The following OLFM3 variants were observed in gnomAD, a reference collection of about 807,000 sequenced individuals.
OLFM3 encodes noelin-3.
Under a neutral mutation model 48.6 loss-of-function variants are expected in OLFM3, and 20 were observed. The observed-to-expected ratio is 0.41, with a 90% CI of 0.29 to 0.60. The LOEUF is 0.60. Among genes scored for constraint, OLFM3 ranks in the 20% least tolerant of loss-of-function variants. The pLI is 0.28. For missense variants in OLFM3, 437 were observed against 544.3 expected, an observed-to-expected ratio of 0.80 and a Z score of 1.96; for synonymous variants, 222 against 198.1, an observed-to-expected ratio of 1.12 and a Z score of -1.01.
chr1:101,812,669 T>C (rs1654125886), intron 4 of OLFM3: 1 of 985,578 alleles, frequency 1.0e-6, no homozygotes, highest in African/African-American at 1.7e-5. Flanking sequence ...CAGCCTTGCA[T>C]CTCTATGGCA....
At chr1:101,833,041 C>T (rs1192810190) in intron 2 of OLFM3, among the ~76,000 whole-genome samples, 1 of 152,120 alleles carries the variant, frequency 6.6e-6, no homozygotes, top group African/African-American at 2.4e-5. Flanking sequence ...TGTGAGGACA[C>T]CTATCATTAG....
At chr1:101,821,330 A>G (rs539921249) in intron 4 of OLFM3, among the ~76,000 whole-genome samples, 112 of 152,174 alleles carry the variant, frequency 7.4e-4, no homozygotes, top group African/African-American at 2.6e-3. Context: ...ATATACATAC[A>G]TATATTTATG....
chr1:101,963,498 C>T (rs184989952), intron 1 of OLFM3, among the ~76,000 whole-genome samples: 28 of 142,854 alleles, frequency 2.0e-4, no homozygotes, highest in Admixed American at 1.2e-3. Flanking sequence ...CCACAGGCAT[C>T]TGGGGTGAGG....
chr1:101,944,047 T>TTTA (rs1553181782), intron 1 of OLFM3, among the ~76,000 whole-genome samples: 15 of 149,386 alleles, frequency 1.0e-4, no homozygotes, highest in Middle Eastern at 3.6e-3. Flanking sequence ...GTATATATTT[T>TTTA]TATATATATA....
At chr1:101,891,154 G>T (rs979480343) in intron 1 of OLFM3, among the ~76,000 whole-genome samples, 3 of 151,908 alleles carry the variant, frequency 2.0e-5, no homozygotes, top group East Asian at 1.9e-4. Flanking sequence ...TGGTGCAAAA[G>T]AATATTTCTT....
chr1:101,907,389 A>G (rs1658587956), intron 1 of OLFM3, among the ~76,000 whole-genome samples: 1 of 152,176 alleles, frequency 6.6e-6, no homozygotes, highest in African/African-American at 2.4e-5. Flanking sequence ...AATGCAGACA[A>G]TGGGATACTG....
chr1:101,849,801 C>T (rs1037037017), intron 1 of OLFM3, among the ~76,000 whole-genome samples: 2 of 152,006 alleles, frequency 1.3e-5, no homozygotes, highest in Admixed American at 6.5e-5. Flanking sequence ...CCTGGGAGAA[C>T]GTTTAGTTTG....
At chr1:101,927,289 A>G (rs1403669814) in intron 1 of OLFM3, among the ~76,000 whole-genome samples, 1 of 152,132 alleles carries the variant, frequency 6.6e-6, no homozygotes, top group African/African-American at 2.4e-5. Context: ...AATATTTTGA[A>G]TGAAACAGAA....
chr1:101,956,354 C>T (rs776079361), intron 1 of OLFM3, among the ~76,000 whole-genome samples: 1 of 151,682 alleles, frequency 6.6e-6, no homozygotes, highest in African/African-American at 2.4e-5. Flanking sequence ...CATTCCCACC[C>T]GTCATCATTT....
chr1:101,882,166 G>A (rs556560369), intron 1 of OLFM3, among the ~76,000 whole-genome samples: 2 of 151,004 alleles, frequency 1.3e-5, no homozygotes, highest in African/African-American at 4.8e-5. Flanking sequence ...TATAAGATGC[G>A]ACATTAAAAT....
At chr1:101,910,382 C>T (rs2339117) in intron 1 of OLFM3, among the ~76,000 whole-genome samples, 65,188 of 150,922 alleles carry the variant, frequency 0.43, 14,176 homozygotes, top group East Asian at 0.59. Context: ...CAGAGAATGG[C>T]GTGAACCCGG....
chr1:101,860,603 T>C (rs2050572), intron 1 of OLFM3, among the ~76,000 whole-genome samples: 79,839 of 151,794 alleles, frequency 0.53, 21,906 homozygotes, highest in African/African-American at 0.64. Flanking sequence ...TTCCAGCTAC[T>C]GTTTAGTAAT....
chr1:101,815,820 G>A (rs1305892394), intron 4 of OLFM3, among the ~76,000 whole-genome samples: 1 of 152,106 alleles, frequency 6.6e-6, no homozygotes, highest in Non-Finnish European at 1.5e-5. Flanking sequence ...ATACTCCTTT[G>A]AGTTTTGACA....
intron 1 of OLFM3, among the ~76,000 whole-genome samples, chr1:101,851,021 C>A (rs1048788365): frequency 1.3e-5 from 2 of 152,030 alleles, no homozygotes; most frequent in Non-Finnish European, 2.9e-5. Context: ...TAGAAAAAAA[C>A]AGTGGGCTCT....
At chr1:101,983,431 A>C (rs752007234) in intron 1 of OLFM3, among the ~76,000 whole-genome samples, 7 of 152,322 alleles carry the variant, frequency 4.6e-5, no homozygotes, top group South Asian at 2.1e-4. Context: ...GCCATGGGAC[A>C]TGTCATCCAG....
chr1:101,859,611 C>CA (rs1426590158), intron 1 of OLFM3, among the ~76,000 whole-genome samples: 3 of 151,966 alleles, frequency 2.0e-5, no homozygotes, highest in Non-Finnish European at 4.4e-5. Context: ...ATTTCTAATC[C>CA]AAAAATCCAA....
At chr1:101,938,648 A>C (rs891476957) in intron 1 of OLFM3, among the ~76,000 whole-genome samples, 3 of 152,192 alleles carry the variant, frequency 2.0e-5, no homozygotes, top group Admixed American at 6.5e-5. Flanking sequence ...ACTTGTGTTA[A>C]AAGTTATTGG....
At chr1:101,851,466 T>A (rs901778318) in intron 1 of OLFM3, among the ~76,000 whole-genome samples, 4 of 152,082 alleles carry the variant, frequency 2.6e-5, no homozygotes, top group African/African-American at 4.8e-5. Flanking sequence ...GAAGGAACAA[T>A]CAGGCCTAGA....
chr1:101,980,586 C>A (rs1661081202), intron 1 of OLFM3, among the ~76,000 whole-genome samples: 1 of 152,124 alleles, frequency 6.6e-6, no homozygotes, highest in African/African-American at 2.4e-5. Context: ...TCTGAGGCCT[C>A]CCCAGCAATG....
Sources: gnomAD v4.1 joint callset for allele counts (sites outside exome capture counted in the v4.1 genomes callset) on GRCh38, gnomAD v4.1.1 for gene constraint, MANE v1.5 for transcripts, NCBI Gene and HGNC (gene_info 2026-07-23, HGNC 2026-07-21) for gene names.